Variants in MTMR10 observed in about 807,000 individuals in gnomAD.
The protein encoded by MTMR10 is myotubularin-related protein 10.
Under a neutral mutation model 88.1 loss-of-function variants are expected in MTMR10, and 56 were observed. The observed-to-expected ratio is 0.64, with a 90% CI of 0.51 to 0.79. The LOEUF is 0.79. MTMR10 is among the 30% of genes least tolerant of loss of function. MTMR10 has a pLI of 0.00. For missense variants in MTMR10, 883 were observed against 924.7 expected (o/e 0.95, Z 0.58); for synonymous variants, 380 against 340.9 (o/e 1.11, Z -1.26).
chr15:30,936,980 T>C, downstream of MTMR10: 1 of 693,628 alleles, frequency 1.4e-6, no homozygotes, highest in Admixed American at 2.8e-5. Context: ...GGACCATCCG[T>C]ATATTTGTGT....
At chr15:30,927,450 T>G in the MTMR10 span, 1 of 985,562 alleles carries the variant, frequency 1.0e-6, no homozygotes, top group South Asian at 4.7e-5. Flanking sequence ...GATGAGGGGC[T>G]AGAACTGACA....
intron 5 of MTMR10, among the ~76,000 whole-genome samples, chr15:30,969,187 G>A (rs1209428690): frequency 6.6e-6 from 1 of 151,874 alleles, no homozygotes; most frequent in Non-Finnish European, 1.5e-5. Flanking sequence ...GTCTTCTATA[G>A]AATAAATGTT....
intron 6 of MTMR10, among the ~76,000 whole-genome samples, chr15:30,963,494 C>A (rs909689438): frequency 1.3e-5 from 2 of 151,620 alleles, no homozygotes; most frequent in African/African-American, 2.4e-5. Context: ...AAAAATAAGC[C>A]GGGTGTGGCG....
At chr15:30,919,688 C>T in the MTMR10 span, among the ~76,000 whole-genome samples, 2 of 118,624 alleles carry the variant, frequency 1.7e-5, no homozygotes, top group South Asian at 2.6e-4. Context: ...GACTCTGTCT[C>T]GGGGAAAAAA....
At chr15:30,961,877 T>C (rs180836128) in intron 6 of MTMR10, among the ~76,000 whole-genome samples, 5 of 152,330 alleles carry the variant, frequency 3.3e-5, no homozygotes, top group Admixed American at 3.3e-4. Flanking sequence ...TCTCCGTCCC[T>C]AATTGTGGGG....
chr15:30,978,717 T>C (rs1046138531), intron 2 of MTMR10, among the ~76,000 whole-genome samples: 7 of 152,178 alleles, frequency 4.6e-5, no homozygotes, highest in Admixed American at 6.5e-5. Context: ...TTTCCTAAGA[T>C]CTTAAAAAGA....
chr15:30,934,925 A>G (rs1245789718), downstream of MTMR10, among the ~76,000 whole-genome samples: 1 of 152,142 alleles, frequency 6.6e-6, no homozygotes, highest in African/African-American at 2.4e-5. Flanking sequence ...TGCTTTCTAC[A>G]GTTGATTAAT....
At chr15:30,944,273 A>G (rs1781091083) in intron 14 of MTMR10, among the ~76,000 whole-genome samples, 1 of 152,178 alleles carries the variant, frequency 6.6e-6, no homozygotes, top group Admixed American at 6.5e-5. Context: ...ACATACTCTT[A>G]ACAGTTTTGG....
the MTMR10 span, among the ~76,000 whole-genome samples, chr15:30,933,051 G>A: frequency 6.6e-6 from 1 of 151,996 alleles, no homozygotes; most frequent in Non-Finnish European, 1.5e-5. Context: ...AATATCTGTA[G>A]AATCTTTATC....
chr15:30,991,269 G>A, intron 1 of MTMR10, 178 bp downstream of exon 1: 4 of 565,828 alleles, frequency 7.1e-6, no homozygotes, highest in Non-Finnish European at 1.1e-5. Flanking sequence ...AGTTTTCGCC[G>A]AGCCAGTGGG....
chr15:30,938,456 A>G (rs1340080412), downstream of MTMR10, among the ~76,000 whole-genome samples: 1 of 152,174 alleles, frequency 6.6e-6, no homozygotes, highest in Non-Finnish European at 1.5e-5. Flanking sequence ...AGTCTTTATC[A>G]GAGGCAGTTG....
chr15:30,964,653 C>T lies in MTMR10; in HGVS notation c.565+3267G>A, dbSNP rs576133306. Among the ~76,000 whole-genome samples the T allele has an allele frequency of 1.8e-3, 273 of 152,320 alleles. 2 individuals carry two copies. The highest frequency in any genetic ancestry group is 6.2e-3 in the African/African-American group (257 of 41,560). ...AAAGACCTGATACCAGTGGCCTGCTCTATGAGTGGATCGCTATGAGGGGCT... is the reference window on the plus strand; with the variant it reads ...AAAGACCTGATACCAGTGGCCTGCTTTATGAGTGGATCGCTATGAGGGGCT... On this transcript the variant is annotated intron_variant, in intron 6 of 15. Transcript: ENST00000435680.
chr15:30,925,314 C>T, the MTMR10 span: 1 of 1,607,010 alleles, frequency 6.2e-7, no homozygotes, highest in Non-Finnish European at 8.5e-7. Context: ...CCTGTGGGTG[C>T]TTTGGACTTA....
At chr15:30,977,414 A>G (rs926215809) in intron 2 of MTMR10, among the ~76,000 whole-genome samples, 1 of 152,256 alleles carries the variant, frequency 6.6e-6, no homozygotes, top group Non-Finnish European at 1.5e-5. Context: ...TGAATGTAAA[A>G]TGTATTCCAT....
At chr15:30,942,573 A>C (rs1443581109) in intron 15 of MTMR10, 3 of 373,370 alleles carry the variant, frequency 8.0e-6, no homozygotes. Flanking sequence ...CCATGACTAC[A>C]TCACAGCCAG....
chr15:30,971,908 C>A (rs2063542671), intron 5 of MTMR10, among the ~76,000 whole-genome samples: 1 of 152,046 alleles, frequency 6.6e-6, no homozygotes, highest in Non-Finnish European at 1.5e-5. Flanking sequence ...AGTACAAGTG[C>A]CCAAAGCAAT....
At chr15:30,967,881 T>C in intron 6 of MTMR10, 39 bp downstream of exon 6, 1 of 1,471,170 alleles carries the variant, frequency 6.8e-7, no homozygotes, top group Non-Finnish European at 9.3e-7. Context: ...AATTTACACA[T>C]GTAAAATTAG....
At chr15:30,924,833 G>C in the MTMR10 span, among the ~76,000 whole-genome samples, 1 of 152,120 alleles carries the variant, frequency 6.6e-6, no homozygotes, top group Non-Finnish European at 1.5e-5. Flanking sequence ...GTAAAGTCAG[G>C]TACCCCTGAG....
At chr15:30,937,608 C>A (rs372063739), downstream of MTMR10, among the ~76,000 whole-genome samples, 298 of 151,762 alleles carry the variant, frequency 2.0e-3, no homozygotes, top group African/African-American at 6.8e-3. Context: ...TGCGCCACCA[C>A]GCCTGGCTAA....
Sources: allele counts gnomAD v4.1 joint callset (sites outside exome capture counted in the v4.1 genomes callset), GRCh38; gene constraint gnomAD v4.1.1; transcripts MANE v1.5; gene names NCBI Gene and HGNC (gene_info 2026-07-23, HGNC 2026-07-21).